CSMD1: variants seen among roughly 807,000 people sequenced by gnomAD.
The protein encoded by CSMD1 is CUB and Sushi multiple domains 1, also known as CUB and sushi domain-containing protein 1.
Under a neutral mutation model 417.5 loss-of-function variants are expected in CSMD1, and 213 were observed. The ratio of observed to expected loss-of-function variants is 0.51; its 90% confidence interval spans 0.46 to 0.57. CSMD1 has a LOEUF of 0.57. Ranked by LOEUF, CSMD1 falls within the 20% of genes least tolerant of loss-of-function variation. The pLI, the probability that CSMD1 is intolerant of heterozygous loss-of-function variation, is 0.00. For synonymous variants in CSMD1, 2,862 were observed against 1,736.8 expected (o/e 1.65, Z -16.11); for missense variants, 6,923 against 4,529.7 (o/e 1.53, Z -15.17).
intron 25 of CSMD1, among the ~76,000 whole-genome samples, chr8:3,306,581 T>A (rs1804868922): frequency 6.6e-6 from 1 of 152,118 alleles, no homozygotes; most frequent in Non-Finnish European, 1.5e-5. Context: ...TGTAGACGCC[T>A]GGGACATGCA....
At chr8:3,780,525 C>T (rs10503217) in intron 5 of CSMD1, among the ~76,000 whole-genome samples, 22,590 of 152,130 alleles carry the variant, frequency 0.15, 2,354 homozygotes, top group African/African-American at 0.28. Flanking sequence ...TGTGGTACTA[C>T]TGAATTGGAT....
intron 5 of CSMD1, among the ~76,000 whole-genome samples, chr8:3,967,329 C>A (rs144583061): frequency 1.3e-5 from 2 of 152,050 alleles, no homozygotes; most frequent in South Asian, 2.1e-4. Flanking sequence ...AATGATGGTA[C>A]GGCTTCTCCA....
chr8:4,194,994 G>C (rs1024567918), intron 3 of CSMD1, among the ~76,000 whole-genome samples: 1 of 151,722 alleles, frequency 6.6e-6, no homozygotes, highest in Non-Finnish European at 1.5e-5. Flanking sequence ...TTTCATCTGG[G>C]AATTTTCCAT....
At chr8:4,644,830 T>A (rs912453607) in intron 1 of CSMD1, among the ~76,000 whole-genome samples, 6 of 152,258 alleles carry the variant, frequency 3.9e-5, no homozygotes, top group African/African-American at 1.4e-4. Flanking sequence ...AAGATAATGA[T>A]TGGCTTGTTT....
At chr8:3,194,135 T>G (rs1184275134) in intron 33 of CSMD1, among the ~76,000 whole-genome samples, 1 of 152,156 alleles carries the variant, frequency 6.6e-6, no homozygotes, top group Non-Finnish European at 1.5e-5. Flanking sequence ...GCAAGCAAAA[T>G]TTTACATTTA....
rs140695719 is a variant in CSMD1, at chr8:4,238,961, A to G, written c.415+180992T>C. Among the ~76,000 whole-genome samples, 1,337 of 152,360 alleles carry G rather than the reference A, an allele frequency of 8.8e-3. 17 individuals carry two copies. Among genetic ancestry groups the G allele is most frequent in the Non-Finnish European group, 0.013 (885 of 68,040 alleles). ...TCTACCCTGTTCTTCTGTAGAGAGT[A>G]GACAGCCCAGAGTCCCATTTTCCTG... On this transcript the variant is annotated intron_variant, in intron 3 of 69. Transcript: ENST00000635120.
intron 1 of CSMD1, among the ~76,000 whole-genome samples, chr8:4,652,326 C>T (rs896912157): frequency 6.6e-6 from 1 of 152,118 alleles, no homozygotes; most frequent in Non-Finnish European, 1.5e-5. Flanking sequence ...TCTCATTAGT[C>T]TAATGTATTA....
At chr8:3,009,412 T>C (rs765113796) in intron 52 of CSMD1, among the ~76,000 whole-genome samples, 1 of 152,228 alleles carries the variant, frequency 6.6e-6, no homozygotes, top group Admixed American at 6.5e-5. Context: ...CTTTATTCTA[T>C]CCATTCTATG....
intron 49 of CSMD1, among the ~76,000 whole-genome samples, chr8:3,080,502 C>T (rs1021411942): frequency 2.0e-5 from 3 of 152,152 alleles, no homozygotes; most frequent in Admixed American, 2.0e-4. Flanking sequence ...TTGCCGGCTC[C>T]ATCTTCTCAC....
chr8:4,657,886 G>A (rs1318920468), intron 1 of CSMD1, among the ~76,000 whole-genome samples: 1 of 151,952 alleles, frequency 6.6e-6, no homozygotes, highest in African/African-American at 2.4e-5. Flanking sequence ...TGTCACTACA[G>A]ATATAGAAGT....
intron 50 of CSMD1, among the ~76,000 whole-genome samples, chr8:3,050,105 T>TAA (rs11402129): frequency 0.019 from 2,665 of 140,494 alleles, 30 homozygotes; most frequent in South Asian, 0.038. Flanking sequence ...CTAGAGAACT[T>TAA]AAAAAAAAAA....
rs1461848266 is a variant in CSMD1, at chr8:2,972,071, T to G, written c.8923+1046A>C. 3.3e-5 allele frequency among the ~76,000 whole-genome samples: 5 copies of G among 152,192 alleles called. No individual in the cohort carries two copies. In the East Asian group the frequency reaches 9.6e-4, roughly 29 times the overall value. ...TATAATATATAAATATGCAAATATA[T>G]GCACAAACATTCCTATATTAATATT... On this transcript the variant is annotated intron_variant, in intron 57 of 69. Transcript: ENST00000635120.
intron 3 of CSMD1, among the ~76,000 whole-genome samples, chr8:4,057,292 A>T (rs1798745673): frequency 6.6e-6 from 1 of 152,296 alleles, no homozygotes; most frequent in African/African-American, 2.4e-5. Context: ...AGTGATGGTG[A>T]GCATTTTTTC....
intron 3 of CSMD1, among the ~76,000 whole-genome samples, chr8:4,280,853 T>C (rs1411930875): frequency 1.3e-5 from 2 of 152,248 alleles, no homozygotes; most frequent in South Asian, 4.1e-4. Flanking sequence ...TTTCTTCTAC[T>C]TCCTGTAAAC....
At chr8:4,905,780 A>G (rs1276202832) in intron 1 of CSMD1, among the ~76,000 whole-genome samples, 1 of 145,266 alleles carries the variant, frequency 6.9e-6, no homozygotes. Context: ...AGATTGTGCC[A>G]CTGCACTCCA....
At chr8:4,425,087 T>C (rs1031765372) in intron 2 of CSMD1, among the ~76,000 whole-genome samples, 4 of 152,086 alleles carry the variant, frequency 2.6e-5, no homozygotes, top group African/African-American at 7.2e-5. Flanking sequence ...GTTTTACATA[T>C]ATATTCGCCT....
intron 2 of CSMD1, among the ~76,000 whole-genome samples, chr8:4,590,383 G>A (rs773945023): frequency 7.9e-5 from 12 of 152,102 alleles, no homozygotes; most frequent in East Asian, 1.9e-4. Flanking sequence ...ATCAACATGC[G>A]AAGATACTGA....
At chr8:4,342,903 G>C (rs1388706588) in intron 3 of CSMD1, among the ~76,000 whole-genome samples, 2 of 152,064 alleles carry the variant, frequency 1.3e-5, no homozygotes, top group Admixed American at 6.6e-5. Flanking sequence ...AAGGACTTAT[G>C]TTTTAGAGAA....
chr8:3,217,837 T>C (rs569883941), intron 29 of CSMD1, among the ~76,000 whole-genome samples: 2 of 152,274 alleles, frequency 1.3e-5, no homozygotes, highest in South Asian at 2.1e-4. Context: ...GTAAGAGACA[T>C]AAAATATGTT....
Sources: allele counts gnomAD v4.1 joint callset (sites outside exome capture counted in the v4.1 genomes callset), GRCh38; gene constraint gnomAD v4.1.1; transcripts MANE v1.5; gene names NCBI Gene and HGNC (gene_info 2026-07-23, HGNC 2026-07-21).